The following TTC29 variants were observed in gnomAD, a reference collection of about 807,000 sequenced individuals.
The protein encoded by TTC29 is tetratricopeptide repeat domain 29.
Under a neutral mutation model 58.1 loss-of-function variants are expected in TTC29, and 49 were observed. The observed-to-expected ratio is 0.84, with a 90% confidence interval of 0.67 to 1.07. The LOEUF (loss-of-function observed/expected upper bound fraction) is 1.07, where lower values mean the gene tolerates loss of function less well. Ranked by LOEUF, TTC29 falls within the 50% of genes least tolerant of loss-of-function variation. The pLI, the probability that TTC29 is intolerant of heterozygous loss-of-function variation, is 0.00. For missense variants in TTC29, 582 were observed against 555.6 expected, an observed-to-expected ratio of 1.05 and a Z score of -0.48; for synonymous variants, 209 against 196.8, an observed-to-expected ratio of 1.06 and a Z score of -0.52.
intron 10 of TTC29, among the ~76,000 whole-genome samples, chr4:146,807,269 G>A (rs1750683160): frequency 1.3e-5 from 2 of 152,100 alleles, no homozygotes; most frequent in Non-Finnish European, 2.9e-5. Context: ...AGCACTAAAT[G>A]CCCACATTGA....
At chr4:146,754,085 A>C (rs1441197653) in intron 11 of TTC29, among the ~76,000 whole-genome samples, 1 of 151,804 alleles carries the variant, frequency 6.6e-6, no homozygotes, top group African/African-American at 2.4e-5. Flanking sequence ...AATAAAAATA[A>C]AAAATATTTT....
intron 8 of TTC29, among the ~76,000 whole-genome samples, chr4:146,839,535 C>CCTGT (rs144855158): frequency 7.1e-6 from 1 of 140,496 alleles, no homozygotes; most frequent in Non-Finnish European, 1.6e-5. Context: ...TACATGAACT[C>CCTGT]GTGTGTGTGT....
intron 11 of TTC29, among the ~76,000 whole-genome samples, chr4:146,795,591 A>G (rs1749779228): frequency 6.6e-6 from 1 of 152,172 alleles, no homozygotes; most frequent in African/African-American, 2.4e-5. Flanking sequence ...GAGTAAAACA[A>G]CATTAAGAAA....
chr4:146,775,939 C>T (rs935546345), intron 11 of TTC29, among the ~76,000 whole-genome samples: 3 of 152,116 alleles, frequency 2.0e-5, no homozygotes, highest in Non-Finnish European at 4.4e-5. Flanking sequence ...CTCAAATGGT[C>T]TCTTTCCATA....
intron 6 of TTC29, among the ~76,000 whole-genome samples, chr4:146,887,561 A>G (rs1468438188): frequency 1.3e-5 from 2 of 152,150 alleles, no homozygotes; most frequent in African/African-American, 4.8e-5. Context: ...AAATTGTTCA[A>G]TTACAGTGCT....
At chr4:146,769,376 A>T (rs986369333) in intron 11 of TTC29, among the ~76,000 whole-genome samples, 3 of 152,094 alleles carry the variant, frequency 2.0e-5, no homozygotes, top group South Asian at 2.1e-4. Flanking sequence ...GAATTTTTTT[A>T]AAAAATGGTT....
intron 11 of TTC29, among the ~76,000 whole-genome samples, chr4:146,800,303 G>A (rs763596153): frequency 6.6e-6 from 1 of 152,150 alleles, no homozygotes; most frequent in Admixed American, 6.5e-5. Flanking sequence ...CCCTTAGGGG[G>A]TCATGTTCCT....
chr4:146,919,292 T>C (rs1734433663), intron 4 of TTC29, among the ~76,000 whole-genome samples: 1 of 151,094 alleles, frequency 6.6e-6, no homozygotes, highest in East Asian at 1.9e-4. Context: ...TTCTCTACTA[T>C]AGAAAAACCA....
chr4:146,893,883 A>G (rs1407888479), intron 6 of TTC29, among the ~76,000 whole-genome samples: 3 of 152,240 alleles, frequency 2.0e-5, no homozygotes, highest in Non-Finnish European at 4.4e-5. Flanking sequence ...ATGAACAGAC[A>G]CTTCTCAAAA....
At chr4:146,925,328 TCTC>T (rs1193183955) in intron 4 of TTC29, among the ~76,000 whole-genome samples, 1 of 152,074 alleles carries the variant, frequency 6.6e-6, no homozygotes, top group Non-Finnish European at 1.5e-5. Flanking sequence ...TTTTTCTACT[TCTC>T]CTCTTCTTTC....
intron 6 of TTC29, among the ~76,000 whole-genome samples, chr4:146,883,352 A>G (rs1018086925): frequency 2.0e-5 from 3 of 151,922 alleles, no homozygotes; most frequent in Non-Finnish European, 4.4e-5. Context: ...CTGGTGCCTC[A>G]CAGACATCCA....
At chr4:146,811,699 AAC>A (rs1464906957) in intron 10 of TTC29, among the ~76,000 whole-genome samples, 1 of 152,222 alleles carries the variant, frequency 6.6e-6, no homozygotes, top group Non-Finnish European at 1.5e-5. Context: ...GTAGAGGTAA[AAC>A]ACATCTTCAA....
At chr4:146,853,125 A>G (rs1357578282) in intron 8 of TTC29, among the ~76,000 whole-genome samples, 4 of 152,126 alleles carry the variant, frequency 2.6e-5, no homozygotes, top group Non-Finnish European at 5.9e-5. Flanking sequence ...GGAAAGATAT[A>G]ATAGTTTACT....
chr4:146,710,302 G>C (rs1361871396), intron 11 of TTC29, among the ~76,000 whole-genome samples: 1 of 152,098 alleles, frequency 6.6e-6, no homozygotes, highest in African/African-American at 2.4e-5. Flanking sequence ...GTAGGCATCT[G>C]TAACACTATA....
At chr4:146,913,052 A>G (rs1407554456) in intron 4 of TTC29, among the ~76,000 whole-genome samples, 1 of 152,112 alleles carries the variant, frequency 6.6e-6, no homozygotes, top group Non-Finnish European at 1.5e-5. Flanking sequence ...CAGGAGCCTG[A>G]GGGGACCTCC....
chr4:146,843,908 G>A (rs1050354763), intron 8 of TTC29, among the ~76,000 whole-genome samples: 1 of 152,060 alleles, frequency 6.6e-6, no homozygotes, highest in Non-Finnish European at 1.5e-5. Context: ...TTTAGGGAAC[G>A]CTTTTTTAAA....
intron 6 of TTC29, among the ~76,000 whole-genome samples, chr4:146,875,992 T>G (rs911604629): frequency 2.3e-4 from 35 of 152,304 alleles, no homozygotes; most frequent in Middle Eastern, 3.4e-3. Flanking sequence ...GTTACATAAT[T>G]GGAATTGATA....
At position 146,908,472 on chromosome 4, in the gene TTC29, T is replaced by C. The variant is rs562648412; in HGVS notation, c.400+554A>G. ...AAATTTTGAAATACAAAAAATGTAT[T>C]AGAAATGATGTCATGGAAAATATAA... On this transcript the variant is annotated intron_variant, in intron 5 of 12. Transcript: ENST00000325106. 2.5e-3 allele frequency among the ~76,000 whole-genome samples: 385 copies of C among 152,332 alleles called. 1 individual carries two copies. Among genetic ancestry groups the C allele is most frequent in the Non-Finnish European group, 4.0e-3 (270 of 68,032 alleles).
intron 4 of TTC29, among the ~76,000 whole-genome samples, chr4:146,915,225 C>A (rs1734143699): frequency 6.6e-6 from 1 of 152,090 alleles, no homozygotes; most frequent in Non-Finnish European, 1.5e-5. Flanking sequence ...CCTACATTGC[C>A]TCCTATTATA....
Sources: gnomAD v4.1 joint callset for allele counts (sites outside exome capture counted in the v4.1 genomes callset) on GRCh38, gnomAD v4.1.1 for gene constraint, MANE v1.5 for transcripts, NCBI Gene and HGNC (gene_info 2026-07-23, HGNC 2026-07-21) for gene names.